Variants in KIAA0232 observed in about 807,000 individuals in gnomAD.
KIAA0232 encodes KIAA0232.
In KIAA0232, 27 loss-of-function variants were observed where a neutral mutation model predicts 122.0. That is an observed-to-expected ratio of 0.22 (90% CI 0.16 to 0.31). The LOEUF (loss-of-function observed/expected upper bound fraction) is 0.31, where lower values mean the gene tolerates loss of function less well. Among genes scored for constraint, KIAA0232 ranks in the 10% least tolerant of loss-of-function variants. KIAA0232 has a pLI of 1.00. For synonymous variants in KIAA0232, 613 were observed against 587.6 expected (o/e 1.04, Z -0.63); for missense variants, 1,551 against 1,634.2 (o/e 0.95, Z 0.88).
Position 6,863,138 on chromosome 4 carries a change from A to T in KIAA0232, c.2756A>T (p.Asp919Val). 6.2e-7 allele frequency: 1 copy of T among 1,614,226 alleles called. No homozygotes were observed. ...GDYTTPSKPWDVAQDKENTFI... is the reference protein window; with the variant it reads ...GDYTTPSKPWVVAQDKENTFI... ...TATACAACACCCTCTAAACCCTGGGATGTAGCCCAAGATAAAGAAAACACA... is the reference window on the plus strand; with the variant it reads ...TATACAACACCCTCTAAACCCTGGGTTGTAGCCCAAGATAAAGAAAACACA... Residue 919 changes from aspartate to valine, a missense_variant, in exon 7 of 10, where the codon GAT becomes GTT. By Grantham distance (152) the Asp-to-Val change is radical. This residue lies in a region of KIAA0232 where 1,108 missense variants were observed against 1,154.8 expected (regional missense o/e 0.96). Coordinates refer to ENST00000307659, the MANE Select transcript of KIAA0232 (RefSeq NM_014743.3).
chr4:6,821,714 A>G (rs983337048), intron 2 of KIAA0232, among the ~76,000 whole-genome samples: 9 of 152,042 alleles, frequency 5.9e-5, no homozygotes, highest in South Asian at 4.1e-4. Context: ...GTATATATAT[A>G]TATGTATATA....
At chr4:6,842,046 C>T in intron 3 of KIAA0232, 21 bp from the exon 4 acceptor site, 1 of 1,612,764 alleles carries the variant, frequency 6.2e-7, no homozygotes, top group Non-Finnish European at 8.5e-7. Flanking sequence ...GGTCATTTAA[C>T]CTGGTGCAAT....
chr4:6,869,396 C>A (rs146338422), intron 7 of KIAA0232, among the ~76,000 whole-genome samples: 1 of 152,194 alleles, frequency 6.6e-6, no homozygotes, highest in East Asian at 1.9e-4. Flanking sequence ...CTTCCTTGCT[C>A]CCCCTGAGTA....
At position 6,861,243 on chromosome 4, in the gene KIAA0232, G is replaced by A. The variant is rs374173989; in HGVS notation, c.861G>A (p.Ser287=). 47 of 1,614,018 alleles carry A rather than the reference G, an allele frequency of 2.9e-5. No individual in the cohort carries two copies. Among genetic ancestry groups the A allele is most frequent in the Admixed American group, 1.8e-4 (11 of 60,008 alleles). Residue 287 remains serine, a synonymous_variant, in exon 7 of 10, where the codon TCG becomes TCA. Transcript: ENST00000307659. The part of the protein sequence containing the change: ...HKPEGKIRPR[S]WSSGSSEAGS... ...CTGAAGGAAAGATTCGCCCTCGCTCGTGGTCTTCTGGCTCCAGTGAAGCAG... is the reference window on the plus strand; with the variant it reads ...CTGAAGGAAAGATTCGCCCTCGCTCATGGTCTTCTGGCTCCAGTGAAGCAG...
At chr4:6,802,360 C>A (rs1188516431) in intron 1 of KIAA0232, among the ~76,000 whole-genome samples, 1 of 152,190 alleles carries the variant, frequency 6.6e-6, no homozygotes, top group Non-Finnish European at 1.5e-5. Flanking sequence ...TGACGGAGCA[C>A]TCCCAGCAGC....
chr4:6,804,734 T>G (rs2108941486), intron 2 of KIAA0232, 128 bp downstream of exon 2: 1 of 152,340 alleles, frequency 6.6e-6, no homozygotes, highest in South Asian at 2.1e-4. Context: ...GGAAAGGAGA[T>G]GAATATAATT....
intron 3 of KIAA0232, 137 bp from the exon 4 acceptor site, chr4:6,841,930 G>T: frequency 1.0e-6 from 1 of 966,464 alleles, no homozygotes; most frequent in South Asian, 1.6e-5. Context: ...TCCCTTCGTC[G>T]CAGAAATAGA....
intron 3 of KIAA0232, among the ~76,000 whole-genome samples, chr4:6,838,349 C>T (rs886321753): frequency 4.6e-5 from 7 of 152,014 alleles, no homozygotes; most frequent in African/African-American, 1.5e-4. Flanking sequence ...CCACCATGCC[C>T]GGCTAATTTT....
intron 2 of KIAA0232, among the ~76,000 whole-genome samples, chr4:6,817,692 G>T (rs904861492): frequency 1.8e-4 from 28 of 152,100 alleles, no homozygotes; most frequent in African/African-American, 6.5e-4. Flanking sequence ...AGGTCAAGTT[G>T]GTTAATAATG....
chr4:6,783,000 C>T (rs1311697198), intron 1 of KIAA0232, among the ~76,000 whole-genome samples, 159 bp downstream of exon 1: 1 of 150,432 alleles, frequency 6.6e-6, no homozygotes, highest in African/African-American at 2.4e-5. Context: ...CCAAGGGAGA[C>T]AGGGCCGCCG....
intron 4 of KIAA0232, among the ~76,000 whole-genome samples, chr4:6,848,678 C>T (rs564286505): frequency 3.3e-5 from 5 of 152,244 alleles, no homozygotes; most frequent in Non-Finnish European, 7.3e-5. Context: ...TGACTATATA[C>T]TGTGTCTTGA....
chr4:6,876,250 A>G (rs1015023958), intron 8 of KIAA0232, among the ~76,000 whole-genome samples: 1 of 152,106 alleles, frequency 6.6e-6, no homozygotes, highest in Non-Finnish European at 1.5e-5. Flanking sequence ...CCTCTGTCCT[A>G]TGAACGTGCT....
intron 3 of KIAA0232, among the ~76,000 whole-genome samples, chr4:6,841,022 A>G (rs1719629743): frequency 6.6e-6 from 1 of 152,228 alleles, no homozygotes; most frequent in South Asian, 2.1e-4. Flanking sequence ...ATACAAGTAT[A>G]AAGAACAGAA....
At chr4:6,838,727 C>CTTTTTTT (rs749354748) in intron 3 of KIAA0232, among the ~76,000 whole-genome samples, 1 of 108,250 alleles carries the variant, frequency 9.2e-6, no homozygotes, top group African/African-American at 3.6e-5. Context: ...TTCAAAGCAG[C>CTTTTTTT]TTTTTTTTTT....
chr4:6,795,227 C>A (rs148849110), intron 1 of KIAA0232, among the ~76,000 whole-genome samples: 2 of 152,130 alleles, frequency 1.3e-5, no homozygotes, highest in Non-Finnish European at 2.9e-5. Flanking sequence ...CCCACCACCA[C>A]GCCTAGCTAA....
intron 2 of KIAA0232, among the ~76,000 whole-genome samples, chr4:6,806,257 T>C (rs1260463863): frequency 6.6e-6 from 1 of 152,222 alleles, no homozygotes. Flanking sequence ...TTGGTTATTA[T>C]AATTTGATAA....
At chr4:6,790,440 G>T (rs1206176330) in intron 1 of KIAA0232, among the ~76,000 whole-genome samples, 2 of 146,074 alleles carry the variant, frequency 1.4e-5, no homozygotes, top group Non-Finnish European at 1.5e-5. Context: ...TGTCACCGAG[G>T]CTGGAGTGCG....
rs1560200352 is a variant in KIAA0232 at position 6,861,542 on chromosome 4, A to G, written c.1160A>G (p.Tyr387Cys). ...DPGSTEGKDL[Y>C]MENRKDTEYK... is the part of the protein sequence containing the mutation. ...GGGAGCACTGAAGGAAAAGACCTGTACATGGAGAATAGAAAGGACACAGAG... is the reference window on the plus strand; with the variant it reads ...GGGAGCACTGAAGGAAAAGACCTGTGCATGGAGAATAGAAAGGACACAGAG... The change falls in exon 7 of 10, where the codon TAC (tyrosine) becomes TGC (cysteine). Residue 387 changes from tyrosine to cysteine, a missense_variant. Around this residue, in one of 5 missense-constraint regions of KIAA0232, gnomAD observed 377 missense variants for 381.7 expected, o/e 0.99. Coordinates refer to ENST00000307659, the MANE Select transcript of KIAA0232 (RefSeq NM_014743.3). 1.2e-6 allele frequency: 2 copies of G among 1,614,136 alleles called. No individual in the cohort carries two copies. The highest frequency in any genetic ancestry group is 4.5e-5 in the East Asian group (2 of 44,890).
chr4:6,788,134 C>T (rs1281081061), intron 1 of KIAA0232, among the ~76,000 whole-genome samples: 1 of 152,136 alleles, frequency 6.6e-6, no homozygotes, highest in Admixed American at 6.6e-5. Context: ...CACCTCCCTT[C>T]CTCCTGCTGC....
Sources: allele counts gnomAD v4.1 joint callset (sites outside exome capture counted in the v4.1 genomes callset), GRCh38; gene constraint gnomAD v4.1.1; regional missense constraint gnomAD v4.1.1; transcripts MANE v1.5; gene names NCBI Gene and HGNC (gene_info 2026-07-23, HGNC 2026-07-21).